The following SLC25A24 variants were observed in gnomAD, a reference collection of about 807,000 sequenced individuals.
The protein encoded by SLC25A24 is mitochondrial adenyl nucleotide antiporter SLC25A24.
Under a neutral mutation model 60.7 loss-of-function variants are expected in SLC25A24, and 49 were observed. The ratio of observed to expected loss-of-function variants is 0.81; its 90% confidence interval spans 0.64 to 1.02. The LOEUF (loss-of-function observed/expected upper bound fraction) is 1.02. SLC25A24 is among the 50% of genes least tolerant of loss of function. The pLI, the probability that SLC25A24 is intolerant of heterozygous loss-of-function variation, is 0.00. For missense variants in SLC25A24, 564 were observed against 586.3 expected (o/e 0.96, Z 0.39); for synonymous variants, 202 against 200.6 (o/e 1.01, Z -0.06).
At chr1:108,157,652 C>A (rs763376323) in intron 4 of SLC25A24, 32 bp from the exon 5 acceptor site, 1 of 1,595,764 alleles carries the variant, frequency 6.3e-7, no homozygotes, top group South Asian at 1.1e-5. Flanking sequence ...CCCCATGCGC[C>A]TTAGTTAAAA....
At chr1:108,183,565 G>T (rs1177207481) in intron 2 of SLC25A24, among the ~76,000 whole-genome samples, 1 of 152,120 alleles carries the variant, frequency 6.6e-6, no homozygotes, top group Non-Finnish European at 1.5e-5. Flanking sequence ...CTGTTTGAAC[G>T]CACCTCATTT....
intron 1 of SLC25A24, 84 bp downstream of exon 1, chr1:108,199,872 A>T: frequency 1.8e-6 from 2 of 1,104,738 alleles, no homozygotes; most frequent in Non-Finnish European, 1.3e-6. Context: ...CAACGCCTCA[A>T]GCCGCCGCCC....
intron 3 of SLC25A24, among the ~76,000 whole-genome samples, chr1:108,165,259 T>G (rs937040473): frequency 3.3e-5 from 5 of 152,114 alleles, no homozygotes; most frequent in Non-Finnish European, 7.3e-5. Context: ...CTGAAAAAAA[T>G]GTATATTCTG....
rs923514128 is a variant in SLC25A24, at chr1:108,136,636, A to C, written c.*17T>G. ...GTTGAAAGTTTCAATTATCAGGCTA[A>C]AGCAAAAAATGCAACATCATTTCTG... On this transcript the variant is annotated 3_prime_UTR_variant, in exon 10 of 10. Transcript: ENST00000565488. 6.2e-7 allele frequency: 1 copy of C among 1,606,296 alleles called. No homozygotes were observed. The highest frequency in any genetic ancestry group is 1.7e-5 in the Admixed American group (1 of 59,452).
chr1:108,153,757 A>G (rs1405970562), intron 6 of SLC25A24, among the ~76,000 whole-genome samples: 1 of 152,242 alleles, frequency 6.6e-6, no homozygotes, highest in Non-Finnish European at 1.5e-5. Flanking sequence ...GAAGCAGAGG[A>G]TGCCTGTTGG....
At position 108,181,794 on chromosome 1, in the gene SLC25A24, AAATG is replaced by A. The variant is rs1458119281; in HGVS notation, c.398+143_398+146del. The A allele has an allele frequency of 6.1e-6, 4 of 654,772 alleles. No homozygotes were observed. The Admixed American group carries it at 1.2e-4, about 19-fold the overall frequency. 40.6% of individuals were successfully genotyped at this position (654,772 alleles called of 1,614,324 possible). On this transcript the variant is annotated intron_variant, in intron 3 of 9. Coordinates refer to ENST00000565488, the MANE Select transcript of SLC25A24 (RefSeq NM_013386.5). ...CACTTTAGATAAATGTACACATACA[AAATG>A]AATGGGAGGAAAAAAGACAAAAAGA...
At chr1:108,139,741 A>C (rs932869771) in intron 8 of SLC25A24, among the ~76,000 whole-genome samples, 1 of 152,034 alleles carries the variant, frequency 6.6e-6, no homozygotes, top group Admixed American at 6.5e-5. Flanking sequence ...CCTCCTGAGT[A>C]GCTTGGATTA....
At chr1:108,166,667 G>GGTTATTCTAGTTATTGGT (rs1558018068) in intron 3 of SLC25A24, among the ~76,000 whole-genome samples, 3 of 151,768 alleles carry the variant, frequency 2.0e-5, no homozygotes, top group Non-Finnish European at 4.4e-5. Flanking sequence ...GCACTTCTCT[G>GGTTATTCTAGTTATTGGT]TATTGGTTAT....
At chr1:108,166,042 T>C (rs975002754) in intron 3 of SLC25A24, among the ~76,000 whole-genome samples, 13 of 152,194 alleles carry the variant, frequency 8.5e-5, no homozygotes, top group Admixed American at 4.6e-4. Context: ...TTATTTCTCC[T>C]TCACTTATGA....
intron 3 of SLC25A24, among the ~76,000 whole-genome samples, chr1:108,173,290 G>A (rs1647544950): frequency 6.6e-6 from 1 of 152,138 alleles, no homozygotes; most frequent in Non-Finnish European, 1.5e-5. Context: ...ATGGGGGGTG[G>A]TCAACCCCAT....
chr1:108,151,021 TG>T (rs923673756), intron 6 of SLC25A24, among the ~76,000 whole-genome samples: 48 of 111,708 alleles, frequency 4.3e-4, no homozygotes, highest in African/African-American at 1.5e-3. Flanking sequence ...GCCAATACGG[TG>T]AAACCTCACC....
At chr1:108,155,643 A>T (rs1233947246) in intron 5 of SLC25A24, among the ~76,000 whole-genome samples, 2 of 152,104 alleles carry the variant, frequency 1.3e-5, no homozygotes, top group Non-Finnish European at 2.9e-5. Context: ...AATGGTTTGG[A>T]TATTGTGTAT....
At chr1:108,156,832 C>A (rs1339828554) in intron 5 of SLC25A24, among the ~76,000 whole-genome samples, 4 of 152,130 alleles carry the variant, frequency 2.6e-5, no homozygotes, top group Non-Finnish European at 4.4e-5. Context: ...ATACTGCATT[C>A]CCCCTCTCAT....
chr1:108,171,615 T>C (rs528079496), intron 3 of SLC25A24, among the ~76,000 whole-genome samples: 9 of 152,302 alleles, frequency 5.9e-5, no homozygotes, highest in African/African-American at 1.9e-4. Context: ...TATTCTTCAA[T>C]ATTTTCTGAG....
chr1:108,165,985 C>A (rs1034583226), intron 3 of SLC25A24, among the ~76,000 whole-genome samples: 2 of 152,076 alleles, frequency 1.3e-5, no homozygotes, highest in Admixed American at 6.5e-5. Flanking sequence ...TTAGGGCAGG[C>A]CTGGTGGTGA....
chr1:108,174,306 T>A (rs1647589798), intron 3 of SLC25A24, among the ~76,000 whole-genome samples: 1 of 152,192 alleles, frequency 6.6e-6, no homozygotes, highest in Non-Finnish European at 1.5e-5. Flanking sequence ...GGAGCCAAGG[T>A]ACAGCTCAGG....
intron 1 of SLC25A24, chr1:108,199,171 G>A (rs578149338): frequency 3.3e-5 from 5 of 152,298 alleles, no homozygotes; most frequent in African/African-American, 1.2e-4. Flanking sequence ...CATTAAAAGA[G>A]AAGTGAAATA....
chr1:108,171,814 A>G (rs1262540714), intron 3 of SLC25A24, among the ~76,000 whole-genome samples: 1 of 152,204 alleles, frequency 6.6e-6, no homozygotes, highest in Non-Finnish European at 1.5e-5. Flanking sequence ...AAGCCCATGT[A>G]TTTACTATAC....
chr1:108,139,311 G>C, intron 8 of SLC25A24, 103 bp from the exon 9 acceptor site: 2 of 1,222,924 alleles, frequency 1.6e-6, no homozygotes, highest in Non-Finnish European at 2.3e-6. Flanking sequence ...GTTTCTGCAG[G>C]ATGAGGCCAC....
Sources: allele counts gnomAD v4.1 joint callset (sites outside exome capture counted in the v4.1 genomes callset), GRCh38; gene constraint gnomAD v4.1.1; transcripts MANE v1.5; gene names NCBI Gene and HGNC (gene_info 2026-07-23, HGNC 2026-07-21).